F13B: variants seen among roughly 807,000 people sequenced by gnomAD.
F13B encodes the protein coagulation factor XIII B chain, also known as TGase.
In F13B, 58 loss-of-function variants were observed where a neutral mutation model predicts 79.8. That is an observed-to-expected ratio of 0.73 (90% CI 0.59 to 0.90). The LOEUF (loss-of-function observed/expected upper bound fraction) is 0.90, where lower values mean the gene tolerates loss of function less well. Among genes scored for constraint, F13B ranks in the 40% least tolerant of loss-of-function variants. The pLI is 0.00. For synonymous variants in F13B, 283 were observed against 260.3 expected (o/e 1.09, Z -0.84); for missense variants, 773 against 777.0 (o/e 0.99, Z 0.06).
chr1:197,061,239 T>A (rs924734749), intron 3 of F13B, among the ~76,000 whole-genome samples, 164 bp from the exon 4 acceptor site: 1 of 152,102 alleles, frequency 6.6e-6, no homozygotes, highest in Non-Finnish European at 1.5e-5. Context: ...CTCTTCTTCA[T>A]ACACCTTGTG....
chr1:197,049,974 A>G (rs547830654), intron 10 of F13B, among the ~76,000 whole-genome samples: 2 of 152,252 alleles, frequency 1.3e-5, no homozygotes, highest in South Asian at 4.1e-4. Context: ...CAGATTGAAG[A>G]TTCTTTAAAA....
rs527699829 is a variant in F13B, at chr1:197,061,034, T to C, written c.493A>G (p.Thr165Ala). ...TTCACTTTGAATGTTTTCTGTGTTG[T>C]GGAATAATTTCCATTATATAATTCA... ...APELYNGNYS[T>A]TQKTFKVKDK... Residue 165 changes from threonine to alanine, a missense_variant, in exon 4 of 12, where the codon ACA (threonine) becomes GCA (alanine). Transcript: ENST00000367412. 2 of 1,599,038 alleles carry C rather than the reference T, an allele frequency of 1.3e-6. No homozygotes were observed. The highest frequency in any genetic ancestry group is 1.1e-5 in the South Asian group (1 of 89,970).
intron 9 of F13B, 40 bp downstream of exon 9, chr1:197,052,594 G>A: frequency 2.2e-6 from 3 of 1,378,622 alleles, no homozygotes; most frequent in Admixed American, 1.7e-5. Flanking sequence ...AGCAGATATT[G>A]GTCAAGTAAA....
In F13B at chr1:197,052,824, A is replaced by G. The variant is rs1655497138; in HGVS notation, c.1365T>C (p.Thr455=). Residue 455 remains threonine, a synonymous_variant, in exon 9 of 12, where the codon ACT becomes ACC. Transcript: ENST00000367412. ...TTCTGTTCATGTAATCCACATTAAC[A>G]GTACATGGTTCTGTAAAACAAAATG... The part of the protein sequence containing the change: ...SSPPVCLEPC[T]VNVDYMNRNN... 1 of 1,607,962 alleles carries G rather than the reference A, an allele frequency of 6.2e-7. No individual in the cohort carries two copies. The highest frequency in any genetic ancestry group is 1.3e-5 in the African/African-American group (1 of 74,858).
At chr1:197,047,896 A>T (rs142766842) in intron 10 of F13B, among the ~76,000 whole-genome samples, 1 of 152,176 alleles carries the variant, frequency 6.6e-6, no homozygotes, top group African/African-American at 2.4e-5. Context: ...AAGGACAGAA[A>T]ACCAAACACT....
intron 5 of F13B, among the ~76,000 whole-genome samples, chr1:197,058,323 C>T (rs1655723714): frequency 6.6e-6 from 1 of 152,110 alleles, no homozygotes; most frequent in Non-Finnish European, 1.5e-5. Flanking sequence ...AAATACTGAC[C>T]ACACTACTTT....
intron 10 of F13B, 136 bp from the exon 11 acceptor site, chr1:197,040,871 T>C: frequency 1.5e-6 from 1 of 651,782 alleles, no homozygotes; most frequent in Non-Finnish European, 2.7e-6. Context: ...GCAAGTCAGT[T>C]AATCAGAATT....
rs192115956 is a variant in F13B at position 197,060,369 on chromosome 1, C to T, written c.802G>A (p.Glu268Lys). ...AGTATTAAATTTAAAAATTTACCTT[C>T]GCATACAGGAGATTCTGGGTACCAA... Reference protein sequence around the residue: ...FGWYPESPVCEGRRNRCPPPP... With the variant: ...FGWYPESPVCKGRRNRCPPPP... The change falls in exon 5 of 12, where the codon GAA becomes AAA. Residue 268 changes from glutamate (E) to lysine (K), a missense_variant. Coordinates refer to ENST00000367412, the MANE Select transcript of F13B (RefSeq NM_001994.3). 28 of 1,609,916 alleles carry T rather than the reference C, an allele frequency of 1.7e-5. No individual in the cohort carries two copies. Among genetic ancestry groups the T allele is most frequent in the African/African-American group, 6.7e-5 (5 of 74,898 alleles).
chr1:197,061,712 A>G (rs1655868860), intron 3 of F13B, 72 bp downstream of exon 3: 1 of 1,227,830 alleles, frequency 8.1e-7, no homozygotes, highest in Non-Finnish European at 1.2e-6. Flanking sequence ...ATAGATATCA[A>G]TATAAGCTTC....
chr1:197,061,810 G>A lies in F13B; in HGVS notation c.425C>T (p.Ser142Phe). The change falls in exon 3 of 12, where the codon TCT (serine) becomes TTT (phenylalanine). Residue 142 changes from serine to phenylalanine, a missense_variant. By Grantham distance (155) the Ser-to-Phe change is radical. Coordinates refer to ENST00000367412, the MANE Select transcript of F13B (RefSeq NM_001994.3). ...VVQCLSDGWS[S>F]QPTCRKEHET... is the part of the protein sequence containing the mutation. ...ATGTTCTTTCCTACAGGTTGGTTGA[G>A]AAGACCATCCATCAGAGAGACATTG... The A allele has an allele frequency of 6.2e-7, 1 of 1,613,244 alleles. No homozygotes were observed. The highest frequency in any genetic ancestry group is 8.5e-7 in the Non-Finnish European group (1 of 1,179,498).
At chr1:197,041,660 T>C (rs1193597586) in intron 10 of F13B, among the ~76,000 whole-genome samples, 1 of 152,124 alleles carries the variant, frequency 6.6e-6, no homozygotes, top group Non-Finnish European at 1.5e-5. Flanking sequence ...AGTGCATGCC[T>C]GAAACCGCAG....
chr1:197,042,505 A>T (rs1484676242), intron 10 of F13B, among the ~76,000 whole-genome samples: 1 of 151,784 alleles, frequency 6.6e-6, no homozygotes, highest in East Asian at 2.0e-4. Flanking sequence ...TTCTGGAAAA[A>T]ATGTATTCAG....
At chr1:197,054,318 C>T (rs1655558277) in intron 8 of F13B, among the ~76,000 whole-genome samples, 1 of 151,918 alleles carries the variant, frequency 6.6e-6, no homozygotes, top group South Asian at 2.1e-4. Context: ...CCACTCAATG[C>T]AATATCAACC....
chr1:197,043,514 A>G (rs1359309450), intron 10 of F13B, among the ~76,000 whole-genome samples: 1 of 152,234 alleles, frequency 6.6e-6, no homozygotes, highest in African/African-American at 2.4e-5. Context: ...CCTTAATAAA[A>G]AGTATGAATT....
intron 10 of F13B, among the ~76,000 whole-genome samples, chr1:197,042,296 T>C (rs17514795): frequency 0.015 from 2,299 of 152,226 alleles, 52 homozygotes; most frequent in African/African-American, 0.049. Context: ...GCACTATAAT[T>C]TACGATGTCA....
chr1:197,044,714 A>T (rs901574731), intron 10 of F13B, among the ~76,000 whole-genome samples: 25 of 152,202 alleles, frequency 1.6e-4, no homozygotes, highest in Non-Finnish European at 3.5e-4. Context: ...CATTCTTCTC[A>T]GCACCACACT....
At chr1:197,065,315 G>T (rs559113594) in intron 1 of F13B, among the ~76,000 whole-genome samples, 1 of 152,238 alleles carries the variant, frequency 6.6e-6, no homozygotes, top group East Asian at 1.9e-4. Context: ...TAGCTGGAAT[G>T]CCTTGGAGAA....
At position 197,060,505 on chromosome 1, in the gene F13B, A is replaced by G. The variant is rs952531699; in HGVS notation, c.666T>C (p.Gly222=). The change falls in exon 5 of 12, where the codon GGT becomes GGC. Residue 222 remains glycine, a synonymous_variant. Transcript: ENST00000367412. ...AGGTTTGCTTTACAGGATGAAAATA[A>G]CCATTTTCAATTAATCTTAAAGAAG... ...KCSSLRLIEN[G]YFHPVKQTYE... 1 of 1,600,826 alleles carries G rather than the reference A, an allele frequency of 6.2e-7. No individual in the cohort carries two copies. Among genetic ancestry groups the G allele is most frequent in the Admixed American group, 1.7e-5 (1 of 58,330 alleles).
rs1655676230 is a variant in F13B at position 197,057,195 on chromosome 1, CCTT to C, written c.986_988del (p.Glu329del). Reference sequence around the variant, plus strand: ...TTCCTCACAGGCTACCTTCTCCTGTCCTTCTGAAAAGGTACAGTTGAAAGAGAA... The same window carrying C: ...TTCCTCACAGGCTACCTTCTCCTGTCCTGAAAAGGTACAGTTGAAAGAGAA... On this transcript the variant is annotated inframe_deletion and splice_region_variant, in exon 7 of 12. Coordinates refer to ENST00000367412, the MANE Select transcript of F13B (RefSeq NM_001994.3). 6.2e-7 allele frequency: 1 copy of C among 1,613,848 alleles called. No individual in the cohort carries two copies. Among genetic ancestry groups the C allele is most frequent in the African/African-American group, 1.3e-5 (1 of 75,028 alleles).
Sources: allele counts gnomAD v4.1 joint callset (sites outside exome capture counted in the v4.1 genomes callset), GRCh38; gene constraint gnomAD v4.1.1; transcripts MANE v1.5; gene names NCBI Gene and HGNC (gene_info 2026-07-23, HGNC 2026-07-21).